CCSER2: variants seen among roughly 807,000 people sequenced by gnomAD.
CCSER2 encodes the protein coiled-coil serine rich protein 2.
Under a neutral mutation model 92.3 loss-of-function variants are expected in CCSER2, and 46 were observed. That is an observed-to-expected ratio of 0.50 (90% confidence interval 0.39 to 0.64). CCSER2 has a LOEUF of 0.64. Among genes scored for constraint, CCSER2 ranks in the 30% least tolerant of loss-of-function variants. The pLI, the probability that CCSER2 is intolerant of heterozygous loss-of-function variation, is 0.00. For missense variants in CCSER2, 1,244 were observed against 1,238.9 expected (o/e 1.00, Z -0.06); for synonymous variants, 433 against 431.4 (o/e 1.00, Z -0.04).
chr10:84,479,348 G>A (rs915892323), intron 9 of CCSER2, among the ~76,000 whole-genome samples: 1 of 152,186 alleles, frequency 6.6e-6, no homozygotes, highest in African/African-American at 2.4e-5. Context: ...CTAGTTCTAG[G>A]TTCTTTTCCC....
At chr10:84,389,131 G>C in intron 3 of CCSER2, 1 of 206,056 alleles carries the variant, frequency 4.9e-6, no homozygotes, top group Non-Finnish European at 9.8e-6. Flanking sequence ...GTTGTCAAAT[G>C]ATCCTTTATT....
intron 6 of CCSER2, among the ~76,000 whole-genome samples, chr10:84,457,344 A>G (rs1845772022): frequency 1.6e-5 from 1 of 64,284 alleles, no homozygotes; most frequent in Non-Finnish European, 3.1e-5. Flanking sequence ...ATTATATATT[A>G]TATATAATAT....
At chr10:84,388,666 A>G (rs1841355141) in intron 3 of CCSER2, among the ~76,000 whole-genome samples, 1 of 152,138 alleles carries the variant, frequency 6.6e-6, no homozygotes, top group South Asian at 2.1e-4. Context: ...GGTTTTGGGG[A>G]AGACAGTTTT....
chr10:84,448,072 T>C (rs909600141), intron 6 of CCSER2, among the ~76,000 whole-genome samples: 2 of 152,104 alleles, frequency 1.3e-5, no homozygotes, highest in Non-Finnish European at 2.9e-5. Context: ...CATTGGACTC[T>C]GATACTCCAC....
At chr10:84,463,041 G>A (rs1463059513) in intron 6 of CCSER2, among the ~76,000 whole-genome samples, 3 of 152,144 alleles carry the variant, frequency 2.0e-5, no homozygotes, top group Admixed American at 1.3e-4. Context: ...AAGGTAGCAC[G>A]TCATCCAGTT....
intron 3 of CCSER2, among the ~76,000 whole-genome samples, chr10:84,375,796 C>T (rs759188072): frequency 5.4e-5 from 8 of 149,272 alleles, no homozygotes; most frequent in Admixed American, 6.6e-5. Flanking sequence ...TATACTTGGA[C>T]TGTATTTACT....
chr10:84,476,474 TCC>T (rs1184156737), intron 8 of CCSER2, among the ~76,000 whole-genome samples: 11 of 121,912 alleles, frequency 9.0e-5, no homozygotes, highest in African/African-American at 3.6e-4. Flanking sequence ...AAATGGTGTC[TCC>T]CTCTGTCACC....
At chr10:84,404,314 T>C (rs1842268491) in intron 3 of CCSER2, among the ~76,000 whole-genome samples, 1 of 152,222 alleles carries the variant, frequency 6.6e-6, no homozygotes, top group Non-Finnish European at 1.5e-5. Flanking sequence ...GGAAGCAGGT[T>C]GGAGTATTCT....
chr10:84,506,514 C>T (rs1191858785), intron 9 of CCSER2, among the ~76,000 whole-genome samples: 1 of 152,194 alleles, frequency 6.6e-6, no homozygotes, highest in Non-Finnish European at 1.5e-5. Context: ...ATTAAACTGG[C>T]CGGGCGTGGT....
chr10:84,366,477 A>G (rs1202587028), intron 1 of CCSER2, among the ~76,000 whole-genome samples: 1 of 152,190 alleles, frequency 6.6e-6, no homozygotes, highest in Non-Finnish European at 1.5e-5. Context: ...TGTGGGTCAA[A>G]TAGACATGCA....
chr10:84,412,264 A>G (rs1028354639), intron 3 of CCSER2, among the ~76,000 whole-genome samples: 1 of 151,820 alleles, frequency 6.6e-6, no homozygotes, highest in South Asian at 2.1e-4. Flanking sequence ...TTTTTATTGT[A>G]TCTCTGCCAG....
At chr10:84,484,679 A>G (rs532304869) in intron 9 of CCSER2, among the ~76,000 whole-genome samples, 45 of 152,208 alleles carry the variant, frequency 3.0e-4, no homozygotes, top group African/African-American at 7.9e-4. Context: ...AAATTATTCA[A>G]TGTTTTACTC....
chr10:84,373,378 A>G (rs1242512017), intron 2 of CCSER2, among the ~76,000 whole-genome samples: 1 of 152,168 alleles, frequency 6.6e-6, no homozygotes, highest in Non-Finnish European at 1.5e-5. Context: ...GAAATATTAC[A>G]GAAGTGAAAG....
intron 7 of CCSER2, among the ~76,000 whole-genome samples, chr10:84,468,945 T>C (rs138836700): frequency 6.6e-6 from 1 of 152,208 alleles, no homozygotes. Flanking sequence ...ATTTCACCAC[T>C]AACTTAATAT....
chr10:84,506,828 T>TAAATAAATAAAA (rs58466020), intron 9 of CCSER2, among the ~76,000 whole-genome samples: 1 of 151,710 alleles, frequency 6.6e-6, no homozygotes, highest in Admixed American at 6.6e-5. Flanking sequence ...AATAAATAAA[T>TAAATAAATAAAA]CTAACACTTA....
intron 1 of CCSER2, among the ~76,000 whole-genome samples, chr10:84,346,644 C>CT (rs1241491598): frequency 1.3e-5 from 2 of 151,954 alleles, no homozygotes; most frequent in East Asian, 3.9e-4. Flanking sequence ...TGAAAGGAGT[C>CT]TATCATCCAG....
chr10:84,437,862 G>A (rs900498599), intron 5 of CCSER2, among the ~76,000 whole-genome samples: 6 of 151,856 alleles, frequency 4.0e-5, no homozygotes, highest in Non-Finnish European at 8.8e-5. Flanking sequence ...ACAGGCACGT[G>A]CCACCATGCT....
At chr10:84,341,367 T>C (rs113466872) in intron 1 of CCSER2, among the ~76,000 whole-genome samples, 1 of 147,862 alleles carries the variant, frequency 6.8e-6, no homozygotes, top group Non-Finnish European at 1.5e-5. Flanking sequence ...TTTTTTTTTT[T>C]AGAGGCGGAG....
At chr10:84,512,572 C>T (rs1319064483) in intron 9 of CCSER2, among the ~76,000 whole-genome samples, 2 of 152,130 alleles carry the variant, frequency 1.3e-5, no homozygotes, top group Non-Finnish European at 2.9e-5. Flanking sequence ...CATAGTTCCT[C>T]TGATTGTTTT....
Sources: allele counts gnomAD v4.1 joint callset (sites outside exome capture counted in the v4.1 genomes callset), GRCh38; gene constraint gnomAD v4.1.1; transcripts MANE v1.5; gene names NCBI Gene and HGNC (gene_info 2026-07-23, HGNC 2026-07-21).